EVL: variants seen among roughly 807,000 people sequenced by gnomAD.
The protein encoded by EVL is ena/VASP-like protein.
Under a neutral mutation model 59.6 loss-of-function variants are expected in EVL, and 21 were observed. The observed-to-expected ratio is 0.35, with a 90% CI of 0.25 to 0.51. The LOEUF (loss-of-function observed/expected upper bound fraction) is 0.51. EVL is among the 20% of genes least tolerant of loss of function. EVL has a pLI of 0.97. For missense variants in EVL, 462 were observed against 546.6 expected (o/e 0.85, Z 1.54); for synonymous variants, 198 against 203.5 (o/e 0.97, Z 0.23).
chr14:99,989,319 G>A (rs554084966), intron 1 of EVL, among the ~76,000 whole-genome samples: 41 of 151,614 alleles, frequency 2.7e-4, no homozygotes, highest in East Asian at 5.8e-4. Flanking sequence ...CCCCAGGGCC[G>A]TGATACTTAT....
chr14:100,129,816 T>G (rs1182189445), intron 7 of EVL, 132 bp downstream of exon 7: 5 of 1,336,128 alleles, frequency 3.7e-6, no homozygotes, highest in Non-Finnish European at 4.0e-6. Flanking sequence ...CAGGGGAAAC[T>G]GTTACTTAAG....
At chr14:99,979,609 C>T (rs528559774) in intron 1 of EVL, among the ~76,000 whole-genome samples, 2 of 151,942 alleles carry the variant, frequency 1.3e-5, no homozygotes, top group Non-Finnish European at 1.5e-5. Context: ...GTGGCTCACG[C>T]CTGTAATCCC....
At chr14:100,136,370 G>A (rs1002357270) in intron 9 of EVL, among the ~76,000 whole-genome samples, 1 of 152,244 alleles carries the variant, frequency 6.6e-6, no homozygotes. Flanking sequence ...GCCAGCTGAT[G>A]ACCGACATTA....
At chr14:100,007,140 CATG>C in intron 1 of EVL, among the ~76,000 whole-genome samples, 1 of 152,182 alleles carries the variant, frequency 6.6e-6, no homozygotes, top group East Asian at 1.9e-4. Context: ...GATATGTGCT[CATG>C]GTGGTCGGGG....
At chr14:99,996,388 C>T (rs979729151) in intron 1 of EVL, among the ~76,000 whole-genome samples, 35 of 152,216 alleles carry the variant, frequency 2.3e-4, no homozygotes, top group African/African-American at 6.7e-4. Context: ...TGTGCTCTCT[C>T]TTTTGGAGTC....
intron 1 of EVL, chr14:100,019,785 A>C: frequency 8.5e-7 from 1 of 1,181,330 alleles, no homozygotes; most frequent in Non-Finnish European, 1.2e-6. Context: ...TGGTTCTCAC[A>C]AAAAAAACAG....
At chr14:100,045,327 A>G (rs2061530803) in intron 1 of EVL, among the ~76,000 whole-genome samples, 1 of 152,164 alleles carries the variant, frequency 6.6e-6, no homozygotes, top group Non-Finnish European at 1.5e-5. Flanking sequence ...GTGCTCTCAC[A>G]TCCCCTGCTC....
At position 100,129,555 on chromosome 14, in the gene EVL, T is replaced by C; in HGVS notation, c.718-8T>C. On this transcript the variant is annotated splice_region_variant and splice_polypyrimidine_tract_variant and intron_variant, in intron 6 of 13. Transcript: ENST00000392920. ...CAGAATCTAAAACGCGGCCTCCTTT[T>C]TCCTCAGCCAGAAGACGCATCTGGA... 2.5e-6 allele frequency: 4 copies of C among 1,613,216 alleles called. No individual in the cohort carries two copies. The highest frequency in any genetic ancestry group is 3.4e-6 in the Non-Finnish European group (4 of 1,179,708).
intron 1 of EVL, among the ~76,000 whole-genome samples, chr14:100,005,437 A>C (rs989304082): frequency 3.3e-5 from 5 of 152,174 alleles, no homozygotes; most frequent in Non-Finnish European, 7.3e-5. Flanking sequence ...CCCTATGCCA[A>C]ATTTTGACAC....
intron 1 of EVL, among the ~76,000 whole-genome samples, chr14:100,022,102 A>G (rs549671824): frequency 6.6e-6 from 1 of 152,150 alleles, no homozygotes; most frequent in African/African-American, 2.4e-5. Context: ...ATTAAATGGG[A>G]TAATATAAAC....
At chr14:100,032,352 C>T (rs2061326733) in intron 1 of EVL, among the ~76,000 whole-genome samples, 1 of 152,116 alleles carries the variant, frequency 6.6e-6, no homozygotes, top group African/African-American at 2.4e-5. Flanking sequence ...GTTTGTTGTC[C>T]TGGGCTGCTT....
intron 1 of EVL, among the ~76,000 whole-genome samples, chr14:100,054,888 A>G (rs761109824): frequency 6.6e-6 from 1 of 151,946 alleles, no homozygotes; most frequent in Non-Finnish European, 1.5e-5. Flanking sequence ...TCCCCTGTCA[A>G]CCAGCCTGTG....
At chr14:100,100,717 T>G (rs946536928) in intron 3 of EVL, among the ~76,000 whole-genome samples, 2 of 146,100 alleles carry the variant, frequency 1.4e-5, no homozygotes, top group African/African-American at 5.1e-5. Flanking sequence ...AGGCAGAGAT[T>G]GCAGTTGCAG....
At chr14:100,141,926 C>A in intron 13 of EVL, 133 bp downstream of exon 13, 1 of 648,774 alleles carries the variant, frequency 1.5e-6, no homozygotes, top group Non-Finnish European at 2.4e-6. Flanking sequence ...AGATTTCATT[C>A]TTACCATCTC....
At position 100,129,504 on chromosome 14, in the gene EVL, T is replaced by A. The variant is rs919319412; in HGVS notation, c.718-59T>A. 3.3e-5 allele frequency: 53 copies of A among 1,607,750 alleles called. 1 individual carries two copies. Among genetic ancestry groups the A allele is most frequent in the Non-Finnish European group, 4.2e-5 (50 of 1,177,306 alleles). On this transcript the variant is annotated intron_variant, in intron 6 of 13. Coordinates refer to ENST00000392920, the MANE Select transcript of EVL (RefSeq NM_016337.3). ...AGTCCCCTGCATCCCCTCACATCGT[T>A]GCTGCTCCTGTTCTGCCATCAGCAG...
chr14:100,089,882 A>T (rs536312803), intron 2 of EVL, among the ~76,000 whole-genome samples: 1 of 152,332 alleles, frequency 6.6e-6, no homozygotes, highest in East Asian at 1.9e-4. Context: ...GCAGTGAGCC[A>T]TGGTGGTACT....
intron 2 of EVL, among the ~76,000 whole-genome samples, chr14:100,087,351 T>TATGA (rs1169575326): frequency 1.3e-5 from 2 of 152,222 alleles, no homozygotes; most frequent in Non-Finnish European, 2.9e-5. Flanking sequence ...CAGTGGCTCA[T>TATGA]GCCTGTAATC....
chr14:100,092,124 C>T (rs948181217), intron 2 of EVL, among the ~76,000 whole-genome samples: 3 of 151,978 alleles, frequency 2.0e-5, no homozygotes, highest in East Asian at 3.9e-4. Flanking sequence ...ACACTTATGT[C>T]CCAGCTACTC....
intron 1 of EVL, among the ~76,000 whole-genome samples, chr14:100,060,147 A>G (rs975654093): frequency 6.6e-6 from 1 of 152,238 alleles, no homozygotes; most frequent in Admixed American, 6.5e-5. Context: ...AAACTTGCCC[A>G]GTGCCGGGCG....
Sources: allele counts gnomAD v4.1 joint callset (sites outside exome capture counted in the v4.1 genomes callset), GRCh38; gene constraint gnomAD v4.1.1; transcripts MANE v1.5; gene names NCBI Gene and HGNC (gene_info 2026-07-23, HGNC 2026-07-21).